Variants in ANKRD44 observed in about 807,000 individuals in gnomAD.
The protein encoded by ANKRD44 is serine/threonine-protein phosphatase 6 regulatory ankyrin repeat subunit B.
A neutral mutation model predicts 116.0 loss-of-function variants in ANKRD44; 35 were observed. The ratio of observed to expected loss-of-function variants is 0.30; its 90% CI spans 0.23 to 0.40. ANKRD44 has a LOEUF of 0.40. Ranked by LOEUF, ANKRD44 falls within the 10% of genes least tolerant of loss-of-function variation. The pLI is 1.00. For missense variants in ANKRD44, 1,014 were observed against 1,242.6 expected (o/e 0.82, Z 2.77); for synonymous variants, 435 against 461.8 (o/e 0.94, Z 0.74).
chr2:197,152,687 A>G (rs2079685088), intron 2 of ANKRD44, among the ~76,000 whole-genome samples: 2 of 152,216 alleles, frequency 1.3e-5, no homozygotes, highest in Admixed American at 1.3e-4. Flanking sequence ...CAGAGAGGCC[A>G]TTCTGGTAGC....
At chr2:197,020,776 T>C (rs910281795) in intron 17 of ANKRD44, among the ~76,000 whole-genome samples, 14 of 150,396 alleles carry the variant, frequency 9.3e-5, no homozygotes, top group Non-Finnish European at 1.6e-4. Flanking sequence ...AATTATTTCT[T>C]TTTTTTTATA....
intron 2 of ANKRD44, among the ~76,000 whole-genome samples, chr2:197,164,417 C>A (rs925614629): frequency 2.0e-5 from 3 of 152,190 alleles, no homozygotes; most frequent in African/African-American, 7.2e-5. Context: ...CCCTCTGAGG[C>A]GCCCCTCTGT....
intron 19 of ANKRD44, 37 bp from the exon 20 acceptor site, chr2:197,007,960 A>G: frequency 7.0e-7 from 1 of 1,431,260 alleles, no homozygotes. Flanking sequence ...TAAAAAGGAG[A>G]TTTAAAAAAA....
chr2:197,008,163 T>C (rs1160111375), intron 19 of ANKRD44, among the ~76,000 whole-genome samples: 1 of 152,182 alleles, frequency 6.6e-6, no homozygotes, highest in African/African-American at 2.4e-5. Flanking sequence ...CAGGGGAAGC[T>C]TCCTTTTCAA....
At chr2:197,057,612 A>C (rs1259378842) in intron 16 of ANKRD44, among the ~76,000 whole-genome samples, 3 of 152,156 alleles carry the variant, frequency 2.0e-5, no homozygotes, top group Non-Finnish European at 4.4e-5. Flanking sequence ...GGTGGCTCTT[A>C]TCTGTAATCT....
At chr2:197,208,187 C>T (rs2081250560) in intron 1 of ANKRD44, among the ~76,000 whole-genome samples, 1 of 152,182 alleles carries the variant, frequency 6.6e-6, no homozygotes, top group Non-Finnish European at 1.5e-5. Context: ...AGCGTGACCT[C>T]AACCTGCCTA....
chr2:197,211,502 C>T (rs949513462), intron 1 of ANKRD44, among the ~76,000 whole-genome samples: 2 of 152,188 alleles, frequency 1.3e-5, no homozygotes, highest in African/African-American at 4.8e-5. Flanking sequence ...CTGAAAAATA[C>T]GTTTTTAACT....
chr2:197,091,855 C>G (rs2078050047), intron 10 of ANKRD44, among the ~76,000 whole-genome samples: 1 of 152,122 alleles, frequency 6.6e-6, no homozygotes, highest in Non-Finnish European at 1.5e-5. Flanking sequence ...ATCACAATAC[C>G]AGTCACAAAA....
intron 1 of ANKRD44, among the ~76,000 whole-genome samples, chr2:197,211,789 T>A (rs1213898120): frequency 1.3e-5 from 2 of 151,420 alleles, no homozygotes; most frequent in African/African-American, 4.9e-5. Context: ...ATGCAGCAGG[T>A]TATAAACCAT....
At chr2:197,167,856 C>T (rs2125526490) in intron 2 of ANKRD44, among the ~76,000 whole-genome samples, 1 of 152,348 alleles carries the variant, frequency 6.6e-6, no homozygotes, top group East Asian at 1.9e-4. Flanking sequence ...CCATACTCTT[C>T]TTCCCTAAGA....
chr2:197,240,175 G>A (rs2082060458), intron 1 of ANKRD44, among the ~76,000 whole-genome samples: 1 of 152,054 alleles, frequency 6.6e-6, no homozygotes, highest in African/African-American at 2.4e-5. Flanking sequence ...AGGAGTTGGA[G>A]AGCAGCCTAG....
chr2:197,012,156 T>A (rs2076312316), intron 18 of ANKRD44, among the ~76,000 whole-genome samples: 1 of 152,210 alleles, frequency 6.6e-6, no homozygotes, highest in Non-Finnish European at 1.5e-5. Context: ...GTAGACATTT[T>A]GTGAACAGTC....
At chr2:196,975,258 CAA>C (rs1332858797) in intron 21 of ANKRD44, among the ~76,000 whole-genome samples, 5 of 151,908 alleles carry the variant, frequency 3.3e-5, no homozygotes, top group Non-Finnish European at 7.4e-5. Flanking sequence ...GAAACTGACT[CAA>C]GAAGAAATAG....
chr2:196,970,972 G>A (rs1337834906), intron 21 of ANKRD44, among the ~76,000 whole-genome samples: 1 of 152,136 alleles, frequency 6.6e-6, no homozygotes, highest in East Asian at 1.9e-4. Context: ...CAAAGTCCTA[G>A]GATTACAGGC....
chr2:197,258,243 G>A (rs2082503671), intron 1 of ANKRD44, among the ~76,000 whole-genome samples: 1 of 148,648 alleles, frequency 6.7e-6, no homozygotes, highest in South Asian at 2.1e-4. Flanking sequence ...TGTGATTACA[G>A]GCATGTGCCG....
Position 197,118,637 on chromosome 2 carries a change from G to GAGAGAGAGAGAGAGAGAAAGAAAGAA in ANKRD44, c.906+2694_906+2695insTTCTTTCTTTCTCTCTCTCTCTCTCT, listed in dbSNP as rs773839262. 6.2e-5 allele frequency among the ~76,000 whole-genome samples: 7 copies of GAGAGAGAGAGAGAGAGAAAGAAAGAA among 112,440 alleles called. No individual in the cohort carries two copies. In the East Asian group the frequency reaches 1.2e-3, roughly 19 times the overall value. 73.8% of individuals were successfully genotyped at this position (112,440 alleles called of 152,430 possible). A position where few individuals can be genotyped will look rare whatever the true frequency, so the allele number is the denominator to read the frequency against. ...AGAAAGAGAGAGAGAGAGAGAGAGA[G>GAGAGAGAGAGAGAGAGAAAGAAAGAA]AGAAAGAAAGAAAGAAAGAAAGAAA... On this transcript the variant is annotated intron_variant, in intron 8 of 27. Coordinates refer to ENST00000282272, the MANE Select transcript of ANKRD44 (RefSeq NM_001195144.2).
intron 16 of ANKRD44, among the ~76,000 whole-genome samples, chr2:197,053,157 C>G (rs998563393): frequency 1.3e-5 from 2 of 151,864 alleles, no homozygotes; most frequent in Non-Finnish European, 2.9e-5. Context: ...GGCAACAGAG[C>G]GAGATTCTGT....
At chr2:197,079,854 C>A (rs2077754040) in intron 15 of ANKRD44, among the ~76,000 whole-genome samples, 1 of 152,042 alleles carries the variant, frequency 6.6e-6, no homozygotes, top group African/African-American at 2.4e-5. Flanking sequence ...CGAAAAAAGT[C>A]AATTACACAT....
intron 1 of ANKRD44, among the ~76,000 whole-genome samples, chr2:197,205,105 A>G (rs554561764): frequency 3.9e-4 from 60 of 152,370 alleles, no homozygotes; most frequent in African/African-American, 1.3e-3. Context: ...GCTGCACATT[A>G]GAAACTTGAA....
Sources: gnomAD v4.1 joint callset for allele counts (sites outside exome capture counted in the v4.1 genomes callset) on GRCh38, gnomAD v4.1.1 for gene constraint, MANE v1.5 for transcripts, NCBI Gene and HGNC (gene_info 2026-07-23, HGNC 2026-07-21) for gene names.